Variants in NCKAP5 observed in about 807,000 individuals in gnomAD.
NCKAP5 encodes the protein NCK associated protein 5.
In NCKAP5, 92 loss-of-function variants were observed where a neutral mutation model predicts 167.0. The observed-to-expected ratio is 0.55, with a 90% CI of 0.47 to 0.66. NCKAP5 has a LOEUF of 0.66. Ranked by LOEUF, NCKAP5 falls within the 30% of genes least tolerant of loss-of-function variation. NCKAP5 has a pLI of 0.00. For synonymous variants in NCKAP5, 891 were observed against 877.4 expected, an observed-to-expected ratio of 1.02 and a Z score of -0.27; for missense variants, 2,378 against 2,315.0, an observed-to-expected ratio of 1.03 and a Z score of -0.56.
chr2:132,721,161 A>T (rs1281497863), intron 19 of NCKAP5, among the ~76,000 whole-genome samples: 3 of 152,026 alleles, frequency 2.0e-5, no homozygotes, highest in Non-Finnish European at 4.4e-5. Context: ...TACAAAAATT[A>T]GCCAGACGTG....
chr2:132,772,834 A>G (rs1031886485), intron 16 of NCKAP5, among the ~76,000 whole-genome samples: 1 of 152,216 alleles, frequency 6.6e-6, no homozygotes, highest in Non-Finnish European at 1.5e-5. Context: ...TTTGCACAAG[A>G]CCGCTGAGTA....
chr2:133,507,769 C>A (rs1683139253), intron 3 of NCKAP5, among the ~76,000 whole-genome samples: 2 of 152,058 alleles, frequency 1.3e-5, no homozygotes, highest in Non-Finnish European at 2.9e-5. Context: ...TGAAAACTGG[C>A]AGAAAGATCA....
In NCKAP5 at chr2:133,091,368, G is replaced by A. The variant is rs184916688; in HGVS notation, c.341+38610C>T. The stretch of plus-strand genomic sequence containing the variant: ...CCACCACATGAGCTGGAATAGAATT[G>A]TTTTCCCATTCTGCAGACCACTCAC... On this transcript the variant is annotated intron_variant, in intron 6 of 19. Transcript: ENST00000409261. Among the ~76,000 whole-genome samples the A allele has an allele frequency of 2.5e-4, 38 of 152,222 alleles. No homozygotes were observed. In the Middle Eastern group the frequency reaches 0.01, roughly 41 times the overall value.
intron 12 of NCKAP5, among the ~76,000 whole-genome samples, chr2:132,791,319 T>C (rs1409676940): frequency 6.6e-6 from 1 of 152,230 alleles, no homozygotes; most frequent in African/African-American, 2.4e-5. Context: ...TTGTTACCAT[T>C]TGGCTATCCA....
chr2:132,801,248 G>A (rs1360280421), intron 11 of NCKAP5, among the ~76,000 whole-genome samples: 2 of 152,104 alleles, frequency 1.3e-5, no homozygotes, highest in African/African-American at 2.4e-5. Flanking sequence ...GAAAAGAAAC[G>A]ACTTTTCTGG....
chr2:133,290,114 G>T (rs1679465796), intron 4 of NCKAP5, among the ~76,000 whole-genome samples: 1 of 152,084 alleles, frequency 6.6e-6, no homozygotes, highest in Non-Finnish European at 1.5e-5. Context: ...AGTGTATGTT[G>T]GTCTTGCCAA....
Position 132,920,717 on chromosome 2 carries a change from A to AG in NCKAP5, c.580-41802_580-41801insC, listed in dbSNP as rs1558942660. ...TATATATATACGTATATGTATATAT[A>AG]TGTATATATATATATGTATATATAT... On this transcript the variant is annotated intron_variant, in intron 8 of 19. Transcript: ENST00000409261. Among the ~76,000 whole-genome samples, 247 of 95,688 alleles carry AG rather than the reference A, an allele frequency of 2.6e-3. 12 individuals carry two copies. The highest frequency in any genetic ancestry group is 0.011 in the African/African-American group (222 of 20,240). The allele number at this position is 95,688 out of a possible 152,430, so 62.8% of individuals were successfully genotyped here.
rs186120350 is a variant in NCKAP5, at chr2:133,319,013, G to A, written c.70-15903C>T. Among the ~76,000 whole-genome samples, 262 of 152,194 alleles carry A rather than the reference G, an allele frequency of 1.7e-3. 1 individual carries two copies. The Middle Eastern group carries it at 0.024, about 14-fold the overall frequency. On this transcript the variant is annotated intron_variant, in intron 3 of 19. Transcript: ENST00000409261. Reference sequence around the variant, plus strand: ...TTCCCCAGGCCCACTGAACTCTGGGGGTGGAGGGGCCCAACAATGTATGGT... The same window carrying A: ...TTCCCCAGGCCCACTGAACTCTGGGAGTGGAGGGGCCCAACAATGTATGGT...
chr2:133,583,288 C>A, the NCKAP5 span, among the ~76,000 whole-genome samples: 1 of 152,142 alleles, frequency 6.6e-6, no homozygotes, highest in African/African-American at 2.4e-5. Flanking sequence ...GACTTAGCAA[C>A]TCCCATCCCT....
chr2:133,477,596 T>C (rs1371804958), intron 3 of NCKAP5, among the ~76,000 whole-genome samples: 2 of 152,196 alleles, frequency 1.3e-5, no homozygotes, highest in African/African-American at 4.8e-5. Context: ...GAGTTTAATT[T>C]ATAAATTAGA....
chr2:132,800,862 A>C (rs144554019), intron 11 of NCKAP5, among the ~76,000 whole-genome samples: 22 of 152,224 alleles, frequency 1.4e-4, no homozygotes, highest in African/African-American at 5.3e-4. Flanking sequence ...ACTCCATGAA[A>C]ATGCAGGTCA....
At chr2:132,867,773 C>T (rs947307214) in intron 10 of NCKAP5, among the ~76,000 whole-genome samples, 3 of 152,050 alleles carry the variant, frequency 2.0e-5, no homozygotes, top group African/African-American at 7.2e-5. Flanking sequence ...GTTCGGCCTA[C>T]CTGTCGGTTT....
intron 4 of NCKAP5, among the ~76,000 whole-genome samples, chr2:133,297,432 G>GA (rs923101783): frequency 2.6e-5 from 4 of 152,044 alleles, no homozygotes; most frequent in African/African-American, 9.7e-5. Context: ...TTTGCAACTT[G>GA]AAAACCCAGA....
intron 3 of NCKAP5, among the ~76,000 whole-genome samples, chr2:133,373,531 A>C (rs1382458229): frequency 1.3e-5 from 2 of 152,250 alleles, no homozygotes; most frequent in Non-Finnish European, 2.9e-5. Context: ...TCACAATCCC[A>C]GCAAGTTATT....
At chr2:132,807,972 CT>C (rs1022092669) in intron 11 of NCKAP5, among the ~76,000 whole-genome samples, 2 of 151,896 alleles carry the variant, frequency 1.3e-5, no homozygotes, top group African/African-American at 4.8e-5. Context: ...TAAAGGGATG[CT>C]GGATTTTGTT....
chr2:132,903,343 C>T (rs1574576865), intron 8 of NCKAP5, among the ~76,000 whole-genome samples: 1 of 152,234 alleles, frequency 6.6e-6, no homozygotes, highest in African/African-American at 2.4e-5. Context: ...AGATAGAGAA[C>T]ATTTCCAACA....
chr2:133,493,152 C>G (rs1332056013), intron 3 of NCKAP5, among the ~76,000 whole-genome samples: 2 of 152,190 alleles, frequency 1.3e-5, no homozygotes, highest in South Asian at 2.1e-4. Flanking sequence ...TGTGCCCTAA[C>G]AGACTCGCTC....
At chr2:133,047,970 C>A (rs1393324219) in intron 6 of NCKAP5, among the ~76,000 whole-genome samples, 1 of 152,162 alleles carries the variant, frequency 6.6e-6, no homozygotes, top group Non-Finnish European at 1.5e-5. Flanking sequence ...AAAATCCTCA[C>A]AAAATGCATG....
chr2:133,275,129 G>A (rs986698320), intron 4 of NCKAP5, among the ~76,000 whole-genome samples: 8 of 151,948 alleles, frequency 5.3e-5, no homozygotes, highest in African/African-American at 1.9e-4. Context: ...GTTCATAGAA[G>A]ATAGTTAAGT....
Sources: allele counts gnomAD v4.1 joint callset (sites outside exome capture counted in the v4.1 genomes callset), GRCh38; gene constraint gnomAD v4.1.1; transcripts MANE v1.5; gene names NCBI Gene and HGNC (gene_info 2026-07-23, HGNC 2026-07-21).